The following ADPRHL1 variants were observed in gnomAD, a reference collection of about 807,000 sequenced individuals.
The protein encoded by ADPRHL1 is inactive ADP-ribosyltransferase ARH2.
Under a neutral mutation model 44.1 loss-of-function variants are expected in ADPRHL1, and 43 were observed. The observed-to-expected ratio is 0.98, with a 90% CI of 0.76 to 1.26. The LOEUF (loss-of-function observed/expected upper bound fraction) is 1.26, where lower values mean the gene tolerates loss of function less well. Ranked by LOEUF, ADPRHL1 falls within the 50% of genes most tolerant of loss-of-function variation. ADPRHL1 has a pLI of 0.00. For synonymous variants in ADPRHL1, 878 were observed against 1,017.4 expected (o/e 0.86, Z 2.61); for missense variants, 2,022 against 2,496.9 (o/e 0.81, Z 4.05).
At chr13:113,424,873 CATTT>C (rs2043956414) in intron 5 of ADPRHL1, among the ~76,000 whole-genome samples, 175 bp downstream of exon 5, 1 of 142,170 alleles carries the variant, frequency 7.0e-6, no homozygotes, top group African/African-American at 2.6e-5. Flanking sequence ...TTCACCCACC[CATTT>C]ACTTACCCAT....
Position 113,409,294 on chromosome 13 carries a change from GTCT to G in ADPRHL1, c.1062-1077_1062-1075del, listed in dbSNP as rs2043833393. ...CCCATCTGTGGCAGGGGGTGGAGCC[GTCT>G]CTGACCTCCCCAGATGATAATTTTG... On this transcript the variant is annotated intron_variant, in intron 7 of 7. Coordinates refer to ENST00000612156, the MANE Select transcript of ADPRHL1 (RefSeq NM_001394807.1). The surrounding 1 kb of genome is among the most constrained non-coding windows in gnomAD (Gnocchi z 4.2). The G allele has an allele frequency of 2.0e-6, 2 of 985,332 alleles. No homozygotes were observed. Among genetic ancestry groups the G allele is most frequent in the South Asian group, 9.4e-5 (2 of 21,280 alleles). 61.0% of individuals were successfully genotyped at this position (985,332 alleles called of 1,614,324 possible). A position where few individuals can be genotyped will look rare whatever the true frequency, so the allele number is the denominator to read the frequency against.
Position 113,404,569 on chromosome 13 carries a change from T to A in ADPRHL1, c.4713A>T (p.Pro1571=), listed in dbSNP as rs7334623. 2.8e-5 allele frequency: 36 copies of A among 1,300,778 alleles called. No homozygotes were observed. The highest frequency in any genetic ancestry group is 3.4e-5 in the Non-Finnish European group (35 of 1,032,080). The allele number at this position is 1,300,778 out of a possible 1,614,324, so 80.6% of individuals were successfully genotyped here. A position where few individuals can be genotyped will look rare whatever the true frequency, so the allele number is the denominator to read the frequency against. The change falls in exon 8 of 8, where the codon CCA becomes CCT. Residue 1571 remains proline, a synonymous_variant. Coordinates refer to ENST00000612156, the MANE Select transcript of ADPRHL1 (RefSeq NM_001394807.1). ...CCTGTCCCTGGGCCCCACCCTGAGC[T>A]GGTTCCTGTGCCTGCCCCTGGGCCT... ...QIEAQGQAQE[P]AQGGAQGQVQ...
rs901722199 is a variant in ADPRHL1, at chr13:113,400,285, A to G, written c.*3093T>C. 4 of 149,318 alleles carry G rather than the reference A, an allele frequency of 2.7e-5. No individual in the cohort carries two copies. The highest frequency in any genetic ancestry group is 7.4e-5 in the African/African-American group (3 of 40,682). The allele number at this position is 149,318 out of a possible 1,614,324, so 9.2% of individuals were successfully genotyped here. ...CTCAGGCTCCCGAGTAGCTGGGACT[A>G]CAGGCACCCACCACCACGCCCGGCT... is the stretch of plus-strand genomic sequence containing the variant. On this transcript the variant is annotated 3_prime_UTR_variant, in exon 8 of 8. Coordinates refer to ENST00000612156, the MANE Select transcript of ADPRHL1 (RefSeq NM_001394807.1).
intron 1 of ADPRHL1, among the ~76,000 whole-genome samples, chr13:113,452,331 G>A (rs1019222045): frequency 3.3e-5 from 5 of 152,172 alleles, no homozygotes; most frequent in South Asian, 2.1e-4. Context: ...TTTAGGGACC[G>A]GCCACAGGCT....
chr13:113,425,783 C>G (rs547788357), intron 4 of ADPRHL1, among the ~76,000 whole-genome samples: 4 of 151,312 alleles, frequency 2.6e-5, no homozygotes, highest in African/African-American at 9.8e-5. Flanking sequence ...TGGGTTCAAG[C>G]GATTCTCCTG....
At position 113,405,910 on chromosome 13, in the gene ADPRHL1, G is replaced by A. The variant is rs1595535717; in HGVS notation, c.3372C>T (p.Ala1124=). ...TGCTGCCTGGCGCTGGTGCAGGCGTGGCGCGGCTCGCAACGCTCCCTGCAG... is the reference window on the plus strand; with the variant it reads ...TGCTGCCTGGCGCTGGTGCAGGCGTAGCGCGGCTCGCAACGCTCCCTGCAG... ...MAAAGSVASR[A]TPAPAPGSTQ... The change falls in exon 8 of 8, where the codon GCC becomes GCT. Residue 1124 remains alanine (A), a synonymous_variant. Coordinates refer to ENST00000612156, the MANE Select transcript of ADPRHL1 (RefSeq NM_001394807.1). The A allele has an allele frequency of 8.1e-7, 1 of 1,232,066 alleles. No individual in the cohort carries two copies. The highest frequency in any genetic ancestry group is 3.2e-5 in the East Asian group (1 of 31,718). The allele number at this position is 1,232,066 out of a possible 1,614,324, so 76.3% of individuals were successfully genotyped here.
chr13:113,428,379 C>A (rs2043981914), intron 4 of ADPRHL1, among the ~76,000 whole-genome samples: 1 of 152,230 alleles, frequency 6.6e-6, no homozygotes, highest in African/African-American at 2.4e-5. Context: ...ATTTCCTCAA[C>A]CATGCAAGGA....
intron 7 of ADPRHL1, among the ~76,000 whole-genome samples, chr13:113,414,796 C>T (rs2043879048): frequency 6.6e-6 from 1 of 152,068 alleles, no homozygotes; most frequent in Admixed American, 6.5e-5. Context: ...CTGCCTCAGC[C>T]TCCCAAGTAG....
chr13:113,419,014 T>TC (rs2043901052), intron 7 of ADPRHL1, among the ~76,000 whole-genome samples: 1 of 45,420 alleles, frequency 2.2e-5, no homozygotes, highest in African/African-American at 7.9e-5. Flanking sequence ...CTCCCTCCCT[T>TC]CCTTCCTTTC....
intron 1 of ADPRHL1, among the ~76,000 whole-genome samples, chr13:113,448,780 A>C (rs1456861291): frequency 6.6e-6 from 1 of 152,212 alleles, no homozygotes; most frequent in African/African-American, 2.4e-5. Flanking sequence ...GCCTGCACCA[A>C]CTTCCCACAC....
In ADPRHL1 at chr13:113,441,072, G is replaced by A. The variant is rs569042367; in HGVS notation, c.379+3353C>T. 1.3e-5 allele frequency among the ~76,000 whole-genome samples: 2 copies of A among 152,268 alleles called. No homozygotes were observed. The highest frequency in any genetic ancestry group is 2.4e-5 in the African/African-American group (1 of 41,560). On this transcript the variant is annotated intron_variant, in intron 2 of 7. Transcript: ENST00000612156. The surrounding 1 kb of genome is among the most constrained non-coding windows in gnomAD (Gnocchi z 6.0). ...GGAGGTGGAGGCAGGAGAATCAGCT[G>A]AACCCGGGAAGTAGAGGTTGCAGTG...
At chr13:113,421,061 C>G (rs1199447018) in intron 7 of ADPRHL1, among the ~76,000 whole-genome samples, 3 of 139,712 alleles carry the variant, frequency 2.1e-5, no homozygotes, top group Admixed American at 7.1e-5. Flanking sequence ...TGGGACATCC[C>G]TACCCCCAGG....
chr13:113,439,280 G>A (rs1042650667), intron 2 of ADPRHL1, among the ~76,000 whole-genome samples: 4 of 151,952 alleles, frequency 2.6e-5, no homozygotes, highest in Non-Finnish European at 2.9e-5. Context: ...GCACCACCAC[G>A]CCCAGCTAAT....
At chr13:113,428,929 C>G in intron 4 of ADPRHL1, 23 bp downstream of exon 4, 7 of 1,611,564 alleles carry the variant, frequency 4.3e-6, no homozygotes, top group Non-Finnish European at 5.9e-6. Flanking sequence ...TGAGTGCGGA[C>G]TGGGGCCGGG....
At chr13:113,410,204 G>C (rs949263028) in intron 7 of ADPRHL1, 15 of 878,872 alleles carry the variant, frequency 1.7e-5, no homozygotes, top group Admixed American at 6.2e-5. Context: ...CCACCTTCCC[G>C]AGACGCCTCC....
chr13:113,445,545 C>CGGG (rs2139649769), intron 1 of ADPRHL1, among the ~76,000 whole-genome samples: 1 of 152,332 alleles, frequency 6.6e-6, no homozygotes, highest in Admixed American at 6.5e-5. Flanking sequence ...TCTGGGCTTG[C>CGGG]GGGTCAGCCC....
At chr13:113,434,721 GGCACCCAGGC>G (rs2044035842) in intron 2 of ADPRHL1, among the ~76,000 whole-genome samples, 2 of 69,436 alleles carry the variant, frequency 2.9e-5, no homozygotes, top group Non-Finnish European at 3.1e-5. Flanking sequence ...CCCGGGACCC[GGCACCCAGGC>G]GTAGAGTGAA....
Position 113,406,993 on chromosome 13 carries a change from G to A in ADPRHL1, c.2289C>T (p.Leu763=). The A allele has an allele frequency of 3.2e-6, 4 of 1,232,252 alleles. No individual in the cohort carries two copies. Among genetic ancestry groups the A allele is most frequent in the Admixed American group, 4.2e-5 (1 of 23,724 alleles). 76.3% of individuals were successfully genotyped at this position (1,232,252 alleles called of 1,614,324 possible). The change falls in exon 8 of 8, where the codon CTC becomes CTT. Residue 763 remains leucine, a synonymous_variant. Coordinates refer to ENST00000612156, the MANE Select transcript of ADPRHL1 (RefSeq NM_001394807.1). ...GGVQEVRGAR[L]TWPPGPPGEC... is the part of the protein sequence containing the mutation. Reference sequence around the variant, plus strand: ...CGCCTGGGGGCCCAGGAGGCCACGTGAGCCTGGCTCCCCTCACCTCCTGGA... The same window carrying A: ...CGCCTGGGGGCCCAGGAGGCCACGTAAGCCTGGCTCCCCTCACCTCCTGGA...
rs1044581926 is a variant in ADPRHL1, at chr13:113,409,998, A to G, written c.1062-1778T>C. On this transcript the variant is annotated intron_variant, in intron 7 of 7. Transcript: ENST00000612156. This position sits in a 1 kb window ranked among gnomAD's most constrained non-coding sequence, Gnocchi z 4.2. ...GTTTGTCTGCATTTTTCCAAAAGAG[A>G]GAGCTCTGTTTTGAAGCCATGGATG... The G allele has an allele frequency of 1.0e-6, 1 of 985,018 alleles. No individual in the cohort carries two copies. Among genetic ancestry groups the G allele is most frequent in the Non-Finnish European group, 1.2e-6 (1 of 829,888 alleles). The allele number at this position is 985,018 out of a possible 1,614,324, so 61.0% of individuals were successfully genotyped here.
Sources: allele counts gnomAD v4.1 joint callset (sites outside exome capture counted in the v4.1 genomes callset), GRCh38; gene constraint gnomAD v4.1.1; non-coding constraint Gnocchi (gnomAD v3.1); transcripts MANE v1.5; gene names NCBI Gene and HGNC (gene_info 2026-07-23, HGNC 2026-07-21).